The following USP35 variants were observed in gnomAD, a reference collection of about 807,000 sequenced individuals.
USP35 encodes ubiquitin specific peptidase 35, also known as ubiquitin carboxyl-terminal hydrolase 35.
In USP35, 69 loss-of-function variants were observed where a neutral mutation model predicts 83.8. The ratio of observed to expected loss-of-function variants is 0.82; its 90% CI spans 0.68 to 1.01. The LOEUF (loss-of-function observed/expected upper bound fraction) is 1.01, where lower values mean the gene tolerates loss of function less well. Ranked by LOEUF, USP35 falls within the 50% of genes least tolerant of loss-of-function variation. USP35 has a pLI of 0.00. For missense variants in USP35, 1,503 were observed against 1,362.5 expected, an observed-to-expected ratio of 1.10 and a Z score of -1.62; for synonymous variants, 714 against 589.5, an observed-to-expected ratio of 1.21 and a Z score of -3.06.
intron 1 of USP35, among the ~76,000 whole-genome samples, chr11:78,194,148 A>G (rs984878469): frequency 1.1e-5 from 1 of 89,646 alleles, no homozygotes; most frequent in African/African-American, 2.9e-5. Flanking sequence ...ACCAACAGTG[A>G]ACTCTTAAGA....
At chr11:78,226,709 G>C in the USP35 span, 3 of 1,613,888 alleles carry the variant, frequency 1.9e-6, no homozygotes, top group East Asian at 6.7e-5. Context: ...GGTAGGCTGA[G>C]AGTGGGGTGG....
intron 1 of USP35, among the ~76,000 whole-genome samples, chr11:78,191,776 A>G (rs951534415): frequency 1.3e-5 from 2 of 151,680 alleles, no homozygotes; most frequent in Non-Finnish European, 2.9e-5. Context: ...TTTCCCTGAC[A>G]GTATCTGTGT....
At chr11:78,200,324 C>T in intron 5 of USP35, 90 bp downstream of exon 5, 2 of 1,447,606 alleles carry the variant, frequency 1.4e-6, no homozygotes, top group Admixed American at 1.8e-5. Flanking sequence ...AGGGCCCTGC[C>T]TGCTGACCCT....
At chr11:78,226,604 G>A in the USP35 span, 3 of 1,609,022 alleles carry the variant, frequency 1.9e-6, no homozygotes, top group South Asian at 2.2e-5. Flanking sequence ...GACTTGGCTT[G>A]GGGGGGCGGG....
chr11:78,220,236 T>C, the USP35 span: 3 of 1,458,430 alleles, frequency 2.1e-6, no homozygotes, highest in Non-Finnish European at 9.5e-7. Context: ...TGCTGTTCAG[T>C]GTTGAAGGCA....
intron 1 of USP35, among the ~76,000 whole-genome samples, chr11:78,192,898 A>G (rs2093382727): frequency 6.6e-6 from 1 of 152,144 alleles, no homozygotes; most frequent in Non-Finnish European, 1.5e-5. Context: ...TACTCTTTCT[A>G]GTACTCTTTC....
At chr11:78,213,555 G>A (rs977054122) in intron 10 of USP35, 91 bp from the exon 11 acceptor site, 1 of 1,373,412 alleles carries the variant, frequency 7.3e-7, no homozygotes, top group African/African-American at 1.5e-5. Context: ...GGGACCTAGA[G>A]GAAACATTGA....
chr11:78,225,518 C>T, the USP35 span, among the ~76,000 whole-genome samples: 1 of 152,204 alleles, frequency 6.6e-6, no homozygotes, highest in East Asian at 1.9e-4. Flanking sequence ...CTCTGAACAC[C>T]ACAGTAACAA....
chr11:78,196,651 C>A lies in USP35; in HGVS notation c.406C>A (p.Pro136Thr). 1 of 1,392,796 alleles carries A rather than the reference C, an allele frequency of 7.2e-7. No individual in the cohort carries two copies. Among genetic ancestry groups the A allele is most frequent in the South Asian group, 1.5e-5 (1 of 64,906 alleles). 86.3% of individuals were successfully genotyped at this position (1,392,796 alleles called of 1,614,324 possible). A position where few individuals can be genotyped will look rare whatever the true frequency, so the allele number is the denominator to read the frequency against. Reference protein sequence around the residue: ...REVLRTVCERPGPAACAQVAR... With the variant: ...REVLRTVCERTGPAACAQVAR... ...GGTGCTGCGCACCGTGTGCGAGCGC[C>A]CGGGCCCCGCGGCCTGCGCGCAGGT... The change falls in exon 2 of 11, where the codon CCG (proline) becomes ACG (threonine). Residue 136 changes from proline to threonine, a missense_variant. By Grantham distance (38) the Pro-to-Thr change is conservative. Transcript: ENST00000529308. The surrounding 1 kb of genome is among the most constrained non-coding windows in gnomAD (Gnocchi z 4.8).
At chr11:78,194,831 C>T (rs1406734687) in intron 1 of USP35, among the ~76,000 whole-genome samples, 1 of 152,186 alleles carries the variant, frequency 6.6e-6, no homozygotes, top group African/African-American at 2.4e-5. Context: ...CCTGAAGCTG[C>T]CCTCAAGAAC....
rs752090765 is a variant in USP35, at chr11:78,210,499, G to A, written c.2644G>A (p.Asp882Asn). The A allele has an allele frequency of 1.9e-5, 30 of 1,614,016 alleles. No individual in the cohort carries two copies. Among genetic ancestry groups the A allele is most frequent in the South Asian group, 4.4e-5 (4 of 91,084 alleles). The part of the protein sequence containing the change: ...ARPAASLGTA[D>N]RPEPENQWYL... ...CCCTGCCGCTTCTCTGGGAACTGCCGATAGGCCAGAGCCCGAGAACCAGTG... is the reference window on the plus strand; with the variant it reads ...CCCTGCCGCTTCTCTGGGAACTGCCAATAGGCCAGAGCCCGAGAACCAGTG... The change falls in exon 10 of 11, where the codon GAT (aspartate) becomes AAT (asparagine). Residue 882 changes from aspartate to asparagine, a missense_variant. Transcript: ENST00000529308.
chr11:78,197,820 C>T, intron 2 of USP35, 116 bp from the exon 3 acceptor site: 2 of 1,424,054 alleles, frequency 1.4e-6, no homozygotes, highest in East Asian at 2.5e-5. Flanking sequence ...GAGGTGGCCT[C>T]TGCTGTGCTC....
In USP35 at chr11:78,196,849, C is replaced by G; in HGVS notation, c.604C>G (p.Leu202Val). 1 of 1,517,854 alleles carries G rather than the reference C, an allele frequency of 6.6e-7. No individual in the cohort carries two copies. The highest frequency in any genetic ancestry group is 8.8e-7 in the Non-Finnish European group (1 of 1,137,780). 94.0% of individuals were successfully genotyped at this position (1,517,854 alleles called of 1,614,324 possible). ...AQQVSGLLAQ[L>V]WRAQPAAILP... is the part of the protein sequence containing the mutation. Reference sequence around the variant, plus strand: ...GCAGGTGAGCGGGCTCCTGGCGCAGCTGTGGCGCGCACAGCCCGCCGCCAT... The same window carrying G: ...GCAGGTGAGCGGGCTCCTGGCGCAGGTGTGGCGCGCACAGCCCGCCGCCAT... Residue 202 changes from leucine (L) to valine (V), a missense_variant, in exon 2 of 11, where the codon CTG (leucine) becomes GTG (valine). Physicochemically the swap from Leu to Val is conservative, Grantham distance 32 (BLOSUM62 1). Coordinates refer to ENST00000529308, the MANE Select transcript of USP35 (RefSeq NM_020798.4). This position sits in a 1 kb window ranked among gnomAD's most constrained non-coding sequence, Gnocchi z 4.8.
At chr11:78,220,867 C>T in the USP35 span, among the ~76,000 whole-genome samples, 1 of 152,200 alleles carries the variant, frequency 6.6e-6, no homozygotes, top group Non-Finnish European at 1.5e-5. Context: ...GAAAGGAGCA[C>T]ATTTCCTTTA....
chr11:78,190,614 C>T (rs377555688), intron 1 of USP35, among the ~76,000 whole-genome samples: 7 of 152,300 alleles, frequency 4.6e-5, no homozygotes, highest in African/African-American at 1.7e-4. Context: ...AGGTCCCAGC[C>T]TGGTGGGAGA....
the USP35 span, chr11:78,226,551 G>T: frequency 6.2e-7 from 1 of 1,613,238 alleles, no homozygotes; most frequent in Non-Finnish European, 8.5e-7. Context: ...TTCACTGATT[G>T]GCGGTCTCTG....
downstream of USP35, chr11:78,218,984 G>A (rs1223386201): frequency 5.3e-6 from 2 of 378,606 alleles, no homozygotes; most frequent in East Asian, 1.0e-4. Flanking sequence ...AGGACAGGAA[G>A]AGGCTGAAGG....
At chr11:78,200,992 G>A (rs1450433580) in intron 6 of USP35, among the ~76,000 whole-genome samples, 184 bp downstream of exon 6, 2 of 152,238 alleles carry the variant, frequency 1.3e-5, no homozygotes, top group African/African-American at 4.8e-5. Flanking sequence ...TCCCCAAGTA[G>A]GCTGGGCTGC....
chr11:78,234,081 T>A, the USP35 span, among the ~76,000 whole-genome samples: 1 of 152,186 alleles, frequency 6.6e-6, no homozygotes, highest in East Asian at 1.9e-4. Context: ...GAAGTTTCTT[T>A]TCTTTTCTTT....
Sources: gnomAD v4.1 joint callset for allele counts (sites outside exome capture counted in the v4.1 genomes callset) on GRCh38, gnomAD v4.1.1 for gene constraint, Gnocchi (gnomAD v3.1) non-coding constraint, MANE v1.5 for transcripts, NCBI Gene and HGNC (gene_info 2026-07-23, HGNC 2026-07-21) for gene names.